The following MDGA2 variants were observed in gnomAD, a reference collection of about 807,000 sequenced individuals.
The protein encoded by MDGA2 is MAM domain-containing glycosylphosphatidylinositol anchor protein 2.
A neutral mutation model predicts 117.8 loss-of-function variants in MDGA2; 40 were observed. The observed-to-expected ratio is 0.34, with a 90% CI of 0.26 to 0.44. MDGA2 has a LOEUF of 0.44. Among genes scored for constraint, MDGA2 ranks in the 20% least tolerant of loss-of-function variants. MDGA2 has a pLI of 1.00. For synonymous variants in MDGA2, 452 were observed against 439.0 expected (o/e 1.03, Z -0.37); for missense variants, 1,123 against 1,250.6 (o/e 0.90, Z 1.54).
chr14:47,055,591 C>T (rs956580458), intron 7 of MDGA2, among the ~76,000 whole-genome samples: 3 of 152,072 alleles, frequency 2.0e-5, no homozygotes, highest in Non-Finnish European at 4.4e-5. Context: ...AGACAAGTAA[C>T]GGTTACATGT....
intron 1 of MDGA2, among the ~76,000 whole-genome samples, chr14:47,517,094 C>T (rs1183144938): frequency 6.6e-6 from 1 of 152,140 alleles, no homozygotes; most frequent in Non-Finnish European, 1.5e-5. Context: ...TAAATGTTTT[C>T]ACATATGATT....
At chr14:47,162,894 C>T (rs936545850) in intron 3 of MDGA2, among the ~76,000 whole-genome samples, 3 of 152,180 alleles carry the variant, frequency 2.0e-5, no homozygotes, top group South Asian at 2.1e-4. Flanking sequence ...AAATCTAGCA[C>T]GTATATGTGT....
intron 2 of MDGA2, among the ~76,000 whole-genome samples, chr14:47,235,981 G>A (rs1263203841): frequency 6.6e-6 from 1 of 152,086 alleles, no homozygotes; most frequent in East Asian, 1.9e-4. Flanking sequence ...GAAGCAGAGA[G>A]TCAAAGGTAT....
intron 3 of MDGA2, among the ~76,000 whole-genome samples, chr14:47,167,693 G>A (rs183501964): frequency 6.6e-6 from 1 of 151,994 alleles, no homozygotes; most frequent in African/African-American, 2.4e-5. Context: ...AACATCTCAG[G>A]GAGTTATCGG....
intron 1 of MDGA2, among the ~76,000 whole-genome samples, chr14:47,607,892 G>A (rs1250800518): frequency 7.2e-5 from 11 of 152,168 alleles, no homozygotes; most frequent in African/African-American, 2.4e-4. Flanking sequence ...CACAGGAAAA[G>A]TGTTCATAAT....
intron 1 of MDGA2, among the ~76,000 whole-genome samples, chr14:47,515,959 A>G (rs950206623): frequency 3.3e-5 from 5 of 152,162 alleles, no homozygotes; most frequent in Non-Finnish European, 7.4e-5. Context: ...TAAGTTAAAG[A>G]CTGCCTGCAT....
At chr14:47,582,240 G>T (rs1379955288) in intron 1 of MDGA2, among the ~76,000 whole-genome samples, 1 of 151,846 alleles carries the variant, frequency 6.6e-6, no homozygotes, top group Admixed American at 6.6e-5. Flanking sequence ...GAGGGAGGAA[G>T]AAAGGAATGC....
At chr14:46,978,562 A>G (rs2138368018) in intron 8 of MDGA2, among the ~76,000 whole-genome samples, 1 of 152,216 alleles carries the variant, frequency 6.6e-6, no homozygotes, top group African/African-American at 2.4e-5. Context: ...ACAGGTACTG[A>G]GAGAAGAAGC....
At chr14:47,521,875 T>C (rs1894874427) in intron 1 of MDGA2, among the ~76,000 whole-genome samples, 1 of 152,124 alleles carries the variant, frequency 6.6e-6, no homozygotes, top group Non-Finnish European at 1.5e-5. Context: ...TTTCACCATG[T>C]TGGCCAGGCT....
intron 14 of MDGA2, among the ~76,000 whole-genome samples, chr14:46,861,186 A>G (rs550113582): frequency 8.6e-5 from 13 of 151,892 alleles, no homozygotes; most frequent in Non-Finnish European, 1.8e-4. Context: ...AAAAAACATT[A>G]AAAGAATATT....
At chr14:46,933,113 A>G (rs892822480) in intron 9 of MDGA2, among the ~76,000 whole-genome samples, 11 of 152,156 alleles carry the variant, frequency 7.2e-5, no homozygotes, top group Admixed American at 5.9e-4. Context: ...CAAACCATCA[A>G]ATGTTCACTC....
chr14:47,324,016 C>A (rs879800457), intron 1 of MDGA2, among the ~76,000 whole-genome samples: 13 of 151,956 alleles, frequency 8.6e-5, no homozygotes, highest in Admixed American at 8.5e-4. Context: ...GAGGCCGAGG[C>A]GTGAGAATCA....
At chr14:47,411,908 C>G (rs529210775) in intron 1 of MDGA2, among the ~76,000 whole-genome samples, 1 of 152,240 alleles carries the variant, frequency 6.6e-6, no homozygotes, top group South Asian at 2.1e-4. Flanking sequence ...GATACTCTTG[C>G]AAATATTAAC....
chr14:47,266,259 T>A (rs1455232117), intron 2 of MDGA2, among the ~76,000 whole-genome samples: 1 of 152,176 alleles, frequency 6.6e-6, no homozygotes, highest in Admixed American at 6.6e-5. Flanking sequence ...GTCCTCTGTC[T>A]ACCCAGTGTT....
intron 10 of MDGA2, among the ~76,000 whole-genome samples, chr14:46,887,021 C>T (rs1207599741): frequency 3.3e-5 from 5 of 151,986 alleles, no homozygotes; most frequent in Non-Finnish European, 5.9e-5. Flanking sequence ...TCTCCTCTCC[C>T]ACATAGTAAT....
chr14:47,536,730 C>G (rs192665983), intron 1 of MDGA2, among the ~76,000 whole-genome samples: 2 of 152,300 alleles, frequency 1.3e-5, no homozygotes, highest in Admixed American at 1.3e-4. Context: ...CTACTAACTT[C>G]TATGAATAGT....
chr14:47,512,367 C>T (rs1321472403), intron 1 of MDGA2, among the ~76,000 whole-genome samples: 1 of 152,106 alleles, frequency 6.6e-6, no homozygotes, highest in Non-Finnish European at 1.5e-5. Flanking sequence ...TTTGGGTATA[C>T]ATGATAATTT....
At chr14:47,292,800 T>C (rs1398978822) in intron 2 of MDGA2, among the ~76,000 whole-genome samples, 1 of 152,148 alleles carries the variant, frequency 6.6e-6, no homozygotes, top group African/African-American at 2.4e-5. Flanking sequence ...AAGGTGTCAT[T>C]TTTGTCTTTT....
intron 6 of MDGA2, among the ~76,000 whole-genome samples, chr14:47,091,262 T>C (rs1879639434): frequency 6.6e-6 from 1 of 152,176 alleles, no homozygotes; most frequent in South Asian, 2.1e-4. Flanking sequence ...ACATGTTTAT[T>C]GAGCATCTAC....
Sources: allele counts gnomAD v4.1 joint callset (sites outside exome capture counted in the v4.1 genomes callset), GRCh38; gene constraint gnomAD v4.1.1; transcripts MANE v1.5; gene names NCBI Gene and HGNC (gene_info 2026-07-23, HGNC 2026-07-21).